XIRP1: variants seen among roughly 807,000 people sequenced by gnomAD.
XIRP1 encodes xin actin binding repeat containing 1, also known as xin actin-binding repeat-containing protein 1.
For synonymous variants in XIRP1, 984 were observed against 947.0 expected (o/e 1.04, Z -0.72); for missense variants, 2,378 against 2,345.4 (o/e 1.01, Z -0.29).
At chr3:39,189,798 C>T (rs773731589) in intron 1 of XIRP1, among the ~76,000 whole-genome samples, 21 of 152,204 alleles carry the variant, frequency 1.4e-4, no homozygotes, top group Admixed American at 9.2e-4. Flanking sequence ...CATAAACCTC[C>T]AGTGGGCAAA....
rs2040099624 is a variant in XIRP1 at position 39,192,537 on chromosome 3, G to A, written c.-172C>T. ...TCCTCTGGAGGTTCTTGTTCAAATT[G>A]GTTCTGTTCTGCTGGCTCCAACAGA... On this transcript the variant is annotated 5_prime_UTR_variant, in exon 1 of 2. Coordinates refer to ENST00000340369, the MANE Select transcript of XIRP1 (RefSeq NM_194293.4). The A allele has an allele frequency of 6.6e-6, 1 of 152,336 alleles. No individual in the cohort carries two copies. The highest frequency in any genetic ancestry group is 6.5e-5 in the Admixed American group (1 of 15,280). 9.4% of individuals were successfully genotyped at this position (152,336 alleles called of 1,614,324 possible). A position where few individuals can be genotyped will look rare whatever the true frequency, so the allele number is the denominator to read the frequency against.
At position 39,187,671 on chromosome 3, in the gene XIRP1, T is replaced by A. The variant is rs1340554771; in HGVS notation, c.1775A>T (p.Gln592Leu). The A allele has an allele frequency of 6.2e-7, 1 of 1,613,974 alleles. No homozygotes were observed. Among genetic ancestry groups the A allele is most frequent in the African/African-American group, 1.3e-5 (1 of 74,940 alleles). Residue 592 changes from glutamine to leucine, a missense_variant, in exon 2 of 2, where the codon CAG (glutamine) becomes CTG (leucine). Transcript: ENST00000340369. ...AGTCTCGAACAACCACCGGATGGTC[T>A]GCACATCGCCCTTTGGGGGTGCCTC... The part of the protein sequence containing the change: ...QPEAPPKGDV[Q>L]TIRWLFETCP...
Position 39,186,169 on chromosome 3 carries a change from G to T in XIRP1, c.3277C>A (p.Leu1093Ile), listed in dbSNP as rs773387348. ...TATSNPIQDG[L>I]RKAGATQSNI... Reference sequence around the variant, plus strand: ...CTTTGGGTAGCCCCAGCTTTCCGAAGACCGTCCTGGATGGGGTTGGAAGTG... The same window carrying T: ...CTTTGGGTAGCCCCAGCTTTCCGAATACCGTCCTGGATGGGGTTGGAAGTG... The change falls in exon 2 of 2, where the codon CTT (leucine) becomes ATT (isoleucine). Residue 1093 changes from leucine (L) to isoleucine (I), a missense_variant. By Grantham distance (5) the Leu-to-Ile change is conservative (BLOSUM62 2). Transcript: ENST00000340369. 98 of 1,613,724 alleles carry T rather than the reference G, an allele frequency of 6.1e-5. No homozygotes were observed. The highest frequency in any genetic ancestry group is 7.9e-5 in the Non-Finnish European group (93 of 1,179,866).
In XIRP1 at chr3:39,188,037, G is replaced by T. The variant is rs758717721; in HGVS notation, c.1409C>A (p.Thr470Asn). 62 of 1,614,092 alleles carry T rather than the reference G, an allele frequency of 3.8e-5. No homozygotes were observed. Among genetic ancestry groups the T allele is most frequent in the Non-Finnish European group, 4.9e-5 (58 of 1,180,036 alleles). The change falls in exon 2 of 2, where the codon ACT becomes AAT. Residue 470 changes from threonine to asparagine, a missense_variant. Transcript: ENST00000340369. ...AHGSPSREEG[T>N]DSAGQAQGIG... The stretch of plus-strand genomic sequence containing the variant: ...GCCCTGGGCCTGCCCAGCAGAATCA[G>T]TTCCTTCTTCTCTGCTTGGACTCCC...
chr3:39,191,889 G>A (rs189567761), intron 1 of XIRP1, among the ~76,000 whole-genome samples: 7 of 152,330 alleles, frequency 4.6e-5, no homozygotes, highest in Admixed American at 4.6e-4. Flanking sequence ...GGCAGAGTCC[G>A]AATTCCACCC....
Position 39,185,559 on chromosome 3 carries a change from C to T in XIRP1, c.3887G>A (p.Ser1296Asn). The T allele has an allele frequency of 6.4e-7, 1 of 1,574,486 alleles. No homozygotes were observed. Among genetic ancestry groups the T allele is most frequent in the Non-Finnish European group, 8.6e-7 (1 of 1,159,316 alleles). The change falls in exon 2 of 2, where the codon AGC (serine) becomes AAC (asparagine). Residue 1296 changes from serine to asparagine, a missense_variant. Physicochemically the swap from Ser to Asn is conservative, Grantham distance 46 (BLOSUM62 1). Transcript: ENST00000340369. ...AGGGGTTCTCTGGCCAGCAGGGCTG[C>T]TGTGGGAGTGAAGAAGGGGGTCCTT... ...PLKDPLLHSH[S>N]SPAGQRTPGG...
rs201938681 is a variant in XIRP1 at position 39,187,606 on chromosome 3, C to T, written c.1840G>A (p.Val614Ile). The T allele has an allele frequency of 2.1e-4, 340 of 1,614,018 alleles. No individual in the cohort carries two copies. The highest frequency in any genetic ancestry group is 9.6e-5 in the Non-Finnish European group (113 of 1,180,048). ...SELAEKQGSE[V>I]TDPTAKAEAQ... ...TCAGCCTTGGCTGTGGGATCTGTGACCTCTGACCCCTGCTTTTCGGCCAAC... is the reference window on the plus strand; with the variant it reads ...TCAGCCTTGGCTGTGGGATCTGTGATCTCTGACCCCTGCTTTTCGGCCAAC... The change falls in exon 2 of 2, where the codon GTC (valine) becomes ATC (isoleucine). Residue 614 changes from valine to isoleucine, a missense_variant. Physicochemically the swap from Val to Ile is conservative, Grantham distance 29. Transcript: ENST00000340369.
chr3:39,187,038 G>A lies in XIRP1; in HGVS notation c.2408C>T (p.Ala803Val), dbSNP rs1328127303. The A allele has an allele frequency of 9.3e-6, 15 of 1,610,838 alleles. No homozygotes were observed. Among genetic ancestry groups the A allele is most frequent in the Non-Finnish European group, 1.3e-5 (15 of 1,177,466 alleles). Reference sequence around the variant, plus strand: ...CCCTGTGCCCGAGAGCACATACTTGGCAAGACAGAGCTCCCCTGGCCCTCG... The same window carrying A: ...CCCTGTGCCCGAGAGCACATACTTGACAAGACAGAGCTCCCCTGGCCCTCG... ...EARGPGELCLAKYVLSGTGQG... is the reference protein window; with the variant it reads ...EARGPGELCLVKYVLSGTGQG... The change falls in exon 2 of 2, where the codon GCC becomes GTC. Residue 803 changes from alanine (A) to valine (V), a missense_variant. By Grantham distance (64) the Ala-to-Val change is moderately conservative. Transcript: ENST00000340369.
At position 39,188,585 on chromosome 3, in the gene XIRP1, C is replaced by G; in HGVS notation, c.861G>C (p.Gln287His). 6.2e-7 allele frequency: 1 copy of G among 1,613,656 alleles called. No individual in the cohort carries two copies. Among genetic ancestry groups the G allele is most frequent in the African/African-American group, 1.3e-5 (1 of 75,070 alleles). Residue 287 changes from glutamine (Q) to histidine (H), a missense_variant, in exon 2 of 2, where the codon CAG (glutamine) becomes CAC (histidine). Physicochemically the swap from Gln to His is conservative, Grantham distance 24. Coordinates refer to ENST00000340369, the MANE Select transcript of XIRP1 (RefSeq NM_194293.4). ...GGGAAATCCCCCGGATCACCCGCAC[C>G]TGGCTGGGGTCCTGGTTGATGGCGT... ...PLDAINQDPS[Q>H]VRVIRGISLE...
At position 39,188,365 on chromosome 3, in the gene XIRP1, C is replaced by T. The variant is rs145094629; in HGVS notation, c.1081G>A (p.Glu361Lys). 5.5e-5 allele frequency: 88 copies of T among 1,614,108 alleles called. No individual in the cohort carries two copies. In the Admixed American group the frequency reaches 6.0e-4, roughly 11 times the overall value. ...GGTGGGGCCTCTGCTCCAGCCTCTT[C>T]GTCCCCCTTCAGAGTGTCCAGCGCT... The part of the protein sequence containing the change: ...TRALDTLKGD[E>K]EAGAEAPPKE... The change falls in exon 2 of 2, where the codon GAA becomes AAA. Residue 361 changes from glutamate (E) to lysine (K), a missense_variant. Physicochemically the swap from Glu to Lys is moderately conservative, Grantham distance 56. Transcript: ENST00000340369.
rs1559748851 is a variant in XIRP1, at chr3:39,186,389, C to G, written c.3057G>C (p.Lys1019Asn). 6.2e-7 allele frequency: 1 copy of G among 1,614,202 alleles called. No homozygotes were observed. Among genetic ancestry groups the G allele is most frequent in the Non-Finnish European group, 8.5e-7 (1 of 1,180,036 alleles). ...TCTGTCCAGAGTGACTGTCTTCCTG[C>G]TTTTCTGTGTTTTGCAATTGGGCTG... Reference protein sequence around the residue: ...AAPAQLQNTEKQEDSHSGQKG... With the variant: ...AAPAQLQNTENQEDSHSGQKG... Residue 1019 changes from lysine to asparagine, a missense_variant, in exon 2 of 2, where the codon AAG becomes AAC. Physicochemically the swap from Lys to Asn is moderately conservative, Grantham distance 94. Transcript: ENST00000340369.
Position 39,185,424 on chromosome 3 carries a change from C to T in XIRP1, c.4022G>A (p.Arg1341Lys), listed in dbSNP as rs757996544. The change falls in exon 2 of 2, where the codon AGG (arginine) becomes AAG (lysine). Residue 1341 changes from arginine to lysine, a missense_variant. Transcript: ENST00000340369. Reference sequence around the variant, plus strand: ...AGATAGAGGCAAGGGCTTGGGCAGCCTCTGAGGAGGGTGGCTCTGGGTTAG... The same window carrying T: ...AGATAGAGGCAAGGGCTTGGGCAGCTTCTGAGGAGGGTGGCTCTGGGTTAG... ...AHLTQSHPPQ[R>K]LPKPLPLSPS... 3.8e-5 allele frequency: 61 copies of T among 1,611,756 alleles called. No individual in the cohort carries two copies. The highest frequency in any genetic ancestry group is 4.9e-5 in the Non-Finnish European group (58 of 1,178,686).
intron 1 of XIRP1, among the ~76,000 whole-genome samples, chr3:39,192,234 C>T (rs752330641): frequency 6.6e-6 from 1 of 152,236 alleles, no homozygotes; most frequent in Non-Finnish European, 1.5e-5. Context: ...CCTGTGGCAG[C>T]CACTCTGAGA....
rs1645788573 is a variant in XIRP1, at chr3:39,183,868, G to A, written c.*46C>T. On this transcript the variant is annotated 3_prime_UTR_variant, in exon 2 of 2. Coordinates refer to ENST00000340369, the MANE Select transcript of XIRP1 (RefSeq NM_194293.4). ...AGGTACCCACTTCAGTCCTGGGGCA[G>A]TGGAGGCCAGGAACAGGTGGCAGGT... The A allele has an allele frequency of 1.9e-6, 3 of 1,580,722 alleles. No individual in the cohort carries two copies. In the African/African-American group the frequency reaches 4.0e-5, roughly 21 times the overall value.
At position 39,183,991 on chromosome 3, in the gene XIRP1, C is replaced by A. The variant is rs141417156; in HGVS notation, c.5455G>T (p.Ala1819Ser). Residue 1819 changes from alanine (A) to serine (S), a missense_variant, in exon 2 of 2, where the codon GCT becomes TCT. Ala to Ser is a moderately conservative substitution (Grantham distance 99). Transcript: ENST00000340369. ...PLLRQFLHSP[A>S]GFSSDLTEAE... ...TCTGTCAGGTCACTGCTGAACCCAGCTGGGCTGTGCAGGAACTGCCTCAGC... is the reference window on the plus strand; with the variant it reads ...TCTGTCAGGTCACTGCTGAACCCAGATGGGCTGTGCAGGAACTGCCTCAGC... 5.8e-5 allele frequency: 93 copies of A among 1,612,698 alleles called. No homozygotes were observed. The highest frequency in any genetic ancestry group is 6.9e-5 in the Non-Finnish European group (82 of 1,179,944).
In XIRP1 at chr3:39,185,912, G is replaced by A. The variant is rs138659100; in HGVS notation, c.3534C>T (p.Pro1178=). 9.3e-6 allele frequency: 15 copies of A among 1,613,624 alleles called. No homozygotes were observed. The African/African-American group carries it at 1.7e-4, about 19-fold the overall frequency. The change falls in exon 2 of 2, where the codon CCC becomes CCT. Residue 1178 remains proline (P), a synonymous_variant. Transcript: ENST00000340369. ...GACCTGGGCCTCCCTGGAGTGGGCG[G>A]GGAGCCTGGACTGAGAGGGCAGTCT... ...HRETALSVQA[P]RPLQGGPGQS...
In XIRP1 at chr3:39,185,724, T is replaced by C; in HGVS notation, c.3722A>G (p.Gln1241Arg). Residue 1241 changes from glutamine to arginine, a missense_variant, in exon 2 of 2, where the codon CAA becomes CGA. Transcript: ENST00000340369. ...LGRHILASGP[Q>R]AAGASPHPHN... ...GGGGTGCGGGCTGGCACCTGCAGCT[T>C]GGGGCCCAGAGGCCAGAATGTGGCG... The C allele has an allele frequency of 6.2e-7, 1 of 1,609,540 alleles. No homozygotes were observed. Among genetic ancestry groups the C allele is most frequent in the Non-Finnish European group, 8.5e-7 (1 of 1,177,496 alleles).
Position 39,184,131 on chromosome 3 carries a change from T to A in XIRP1, c.5315A>T (p.Tyr1772Phe), listed in dbSNP as rs2039916274. The A allele has an allele frequency of 6.2e-7, 1 of 1,611,218 alleles. No individual in the cohort carries two copies. Among genetic ancestry groups the A allele is most frequent in the Non-Finnish European group, 8.5e-7 (1 of 1,178,174 alleles). The change falls in exon 2 of 2, where the codon TAT becomes TTT. Residue 1772 changes from tyrosine (Y) to phenylalanine (F), a missense_variant. Coordinates refer to ENST00000340369, the MANE Select transcript of XIRP1 (RefSeq NM_194293.4). Reference sequence around the variant, plus strand: ...GTTCCCAAACTGGTCCACCTCCTCATACTGTTCAGTCACGGTTCTCATGGC... The same window carrying A: ...GTTCCCAAACTGGTCCACCTCCTCAAACTGTTCAGTCACGGTTCTCATGGC... Reference protein sequence around the residue: ...YGAMRTVTEQYEEVDQFGNTV... With the variant: ...YGAMRTVTEQFEEVDQFGNTV...
chr3:39,188,594 G>T lies in XIRP1; in HGVS notation c.852C>A (p.Asp284Glu). Residue 284 changes from aspartate to glutamate, a missense_variant, in exon 2 of 2, where the codon GAC (aspartate) becomes GAA (glutamate). Asp to Glu is a conservative substitution (Grantham distance 45). Coordinates refer to ENST00000340369, the MANE Select transcript of XIRP1 (RefSeq NM_194293.4). ...CCCGGATCACCCGCACCTGGCTGGG[G>T]TCCTGGTTGATGGCGTCCAGAGGCC... ...ETRPLDAINQ[D>E]PSQVRVIRGI... 1.2e-6 allele frequency: 2 copies of T among 1,613,724 alleles called. No individual in the cohort carries two copies. The highest frequency in any genetic ancestry group is 8.5e-7 in the Non-Finnish European group (1 of 1,179,938).
Sources: allele counts gnomAD v4.1 joint callset (sites outside exome capture counted in the v4.1 genomes callset), GRCh38; gene constraint gnomAD v4.1.1; transcripts MANE v1.5; gene names NCBI Gene and HGNC (gene_info 2026-07-23, HGNC 2026-07-21).